Variants in TYW1 observed in about 807,000 individuals in gnomAD.
TYW1 encodes the protein tRNA-yW synthesizing protein 1 homolog.
In TYW1, 46 loss-of-function variants were observed where a neutral mutation model predicts 96.2. That is an observed-to-expected ratio of 0.48 (90% CI 0.38 to 0.61). The LOEUF (loss-of-function observed/expected upper bound fraction) is 0.61. Ranked by LOEUF, TYW1 falls within the 20% of genes least tolerant of loss-of-function variation. The pLI, the probability that TYW1 is intolerant of heterozygous loss-of-function variation, is 0.00. For missense variants in TYW1, 684 were observed against 909.6 expected (o/e 0.75, Z 3.19); for synonymous variants, 274 against 323.0 (o/e 0.85, Z 1.63).
chr7:67,219,959 A>T (rs1801331166), intron 15 of TYW1, among the ~76,000 whole-genome samples: 1 of 149,210 alleles, frequency 6.7e-6, no homozygotes, highest in South Asian at 2.1e-4. Flanking sequence ...GAAGTTTTGA[A>T]GTTAGGTTGT....
chr7:67,190,634 T>G (rs577442181), intron 14 of TYW1, among the ~76,000 whole-genome samples: 39 of 152,318 alleles, frequency 2.6e-4, no homozygotes, highest in African/African-American at 9.1e-4. Context: ...GACAGGGGCT[T>G]GAATGGCTGA....
At chr7:67,125,787 C>CA (rs1166306286) in intron 13 of TYW1, among the ~76,000 whole-genome samples, 1 of 152,180 alleles carries the variant, frequency 6.6e-6, no homozygotes, top group East Asian at 1.9e-4. Context: ...GTAGCTTTGC[C>CA]TTTTCCAGAA....
intron 1 of TYW1, among the ~76,000 whole-genome samples, chr7:66,997,731 C>G (rs1793233905): frequency 6.7e-6 from 1 of 149,686 alleles, no homozygotes; most frequent in Admixed American, 6.9e-5. Flanking sequence ...CAGGTTCAAA[C>G]AGTTCTCCTG....
intron 13 of TYW1, among the ~76,000 whole-genome samples, chr7:67,174,446 A>G (rs1799602748): frequency 6.6e-6 from 1 of 151,036 alleles, no homozygotes. Context: ...AGAGCTGCCA[A>G]TCTAGAAGTC....
At chr7:67,001,432 TA>T (rs1489120246) in intron 3 of TYW1, among the ~76,000 whole-genome samples, 5 of 150,130 alleles carry the variant, frequency 3.3e-5, no homozygotes, top group Admixed American at 2.0e-4. Flanking sequence ...TTTATTTATT[TA>T]TTTTTTTGAG....
chr7:67,197,782 T>C (rs1800449005), intron 15 of TYW1, among the ~76,000 whole-genome samples: 1 of 152,184 alleles, frequency 6.6e-6, no homozygotes, highest in African/African-American at 2.4e-5. Flanking sequence ...CTTTTTCTTT[T>C]GTTTTAAATT....
chr7:67,134,213 C>T (rs1466298208), intron 13 of TYW1, among the ~76,000 whole-genome samples: 2 of 152,076 alleles, frequency 1.3e-5, no homozygotes, highest in East Asian at 3.8e-4. Context: ...TGATTACCTT[C>T]ACCTTGGGCT....
intron 4 of TYW1, among the ~76,000 whole-genome samples, chr7:67,013,218 G>A (rs1371997988): frequency 6.6e-6 from 1 of 151,888 alleles, no homozygotes; most frequent in African/African-American, 2.4e-5. Context: ...TGCCTCCTGG[G>A]CTCAAGCAGT....
chr7:67,039,937 A>G (rs1584492071), intron 7 of TYW1, among the ~76,000 whole-genome samples: 1 of 147,398 alleles, frequency 6.8e-6, no homozygotes, highest in East Asian at 2.0e-4. Flanking sequence ...CTGGGATTAC[A>G]AGCATGAGCC....
At chr7:67,006,028 A>C (rs1793572710) in intron 3 of TYW1, among the ~76,000 whole-genome samples, 1 of 152,088 alleles carries the variant, frequency 6.6e-6, no homozygotes, top group African/African-American at 2.4e-5. Flanking sequence ...TTGCATTGCC[A>C]TAAAGGAATA....
At chr7:67,065,893 C>T (rs1795844854) in intron 9 of TYW1, among the ~76,000 whole-genome samples, 1 of 151,950 alleles carries the variant, frequency 6.6e-6, no homozygotes, top group Non-Finnish European at 1.5e-5. Flanking sequence ...TGCCTATAAT[C>T]CCAGCTACTT....
intron 15 of TYW1, among the ~76,000 whole-genome samples, chr7:67,227,133 CCAAA>C (rs1471070223): frequency 3.3e-5 from 5 of 151,998 alleles, no homozygotes; most frequent in Non-Finnish European, 7.4e-5. Flanking sequence ...TGAATTTTAC[CCAAA>C]CAAAGGGCTG....
intron 15 of TYW1, among the ~76,000 whole-genome samples, chr7:67,228,032 T>C (rs1267211685): frequency 6.6e-6 from 1 of 152,202 alleles, no homozygotes; most frequent in Non-Finnish European, 1.5e-5. Context: ...TTTCTAATCC[T>C]CGTTTCACAG....
At chr7:67,222,175 C>T (rs1390241091) in intron 15 of TYW1, among the ~76,000 whole-genome samples, 2 of 151,950 alleles carry the variant, frequency 1.3e-5, no homozygotes, top group Admixed American at 1.3e-4. Context: ...CCAGTCTGGG[C>T]AACAGAGCGA....
chr7:67,142,593 T>A (rs1482188419), intron 13 of TYW1, among the ~76,000 whole-genome samples: 1 of 150,900 alleles, frequency 6.6e-6, no homozygotes, highest in Non-Finnish European at 1.5e-5. Context: ...CATGCCACCA[T>A]GCCTGGCTGA....
At position 67,099,028 on chromosome 7, in the gene TYW1, A is replaced by AT. The variant is rs1373681164; in HGVS notation, c.1562+312dup. On this transcript the variant is annotated intron_variant, in intron 12 of 15. Transcript: ENST00000359626. ...CTGTCATTTATTTTATTTTATTATT[A>AT]TTATTTTTTTTTTTTGAGTCGGAGT... is the stretch of plus-strand genomic sequence containing the variant. 1.9e-4 allele frequency among the ~76,000 whole-genome samples: 25 copies of AT among 135,116 alleles called. No individual in the cohort carries two copies. The East Asian group carries it at 3.9e-3, about 21-fold the overall frequency. The allele number at this position is 135,116 out of a possible 152,430, so 88.6% of individuals were successfully genotyped here. A position where few individuals can be genotyped will look rare whatever the true frequency, so the allele number is the denominator to read the frequency against.
rs561112389 is a variant in TYW1, at chr7:67,181,619, T to C, written c.1699-1507T>C. 8.5e-5 allele frequency among the ~76,000 whole-genome samples: 13 copies of C among 152,274 alleles called. No homozygotes were observed. The South Asian group carries it at 2.7e-3, about 32-fold the overall frequency. The stretch of plus-strand genomic sequence containing the variant: ...TCCCTTTCACTTTACTGTTTTTTTT[T>C]CTTGAGTATTTTGAGCATTGCTACT... On this transcript the variant is annotated intron_variant, in intron 13 of 15. Transcript: ENST00000359626.
At chr7:67,027,623 A>T (rs943025993) in intron 7 of TYW1, among the ~76,000 whole-genome samples, 2 of 152,180 alleles carry the variant, frequency 1.3e-5, no homozygotes, top group African/African-American at 4.8e-5. Flanking sequence ...TTACTATGCA[A>T]TGAACTCTTT....
intron 3 of TYW1, among the ~76,000 whole-genome samples, chr7:67,004,881 G>A (rs1793516457): frequency 6.6e-6 from 1 of 151,990 alleles, no homozygotes; most frequent in African/African-American, 2.4e-5. Flanking sequence ...TCAGCCTCCC[G>A]AGTAGCTGGG....
Sources: gnomAD v4.1 joint callset for allele counts (sites outside exome capture counted in the v4.1 genomes callset) on GRCh38, gnomAD v4.1.1 for gene constraint, MANE v1.5 for transcripts, NCBI Gene and HGNC (gene_info 2026-07-23, HGNC 2026-07-21) for gene names.